The following ATL1 variants were observed in gnomAD, a reference collection of about 807,000 sequenced individuals.
ATL1 encodes the protein atlastin GTPase 1.
A neutral mutation model predicts 75.5 loss-of-function variants in ATL1; 31 were observed. That is an observed-to-expected ratio of 0.41 (90% CI 0.31 to 0.55). The LOEUF (loss-of-function observed/expected upper bound fraction) is 0.55. Among genes scored for constraint, ATL1 ranks in the 20% least tolerant of loss-of-function variants. ATL1 has a pLI of 0.27. For missense variants in ATL1, 405 were observed against 662.6 expected (o/e 0.61, Z 4.27); for synonymous variants, 226 against 233.3 (o/e 0.97, Z 0.28).
At chr14:50,611,791 G>A (rs1263117757) in intron 6 of ATL1, among the ~76,000 whole-genome samples, 1 of 152,174 alleles carries the variant, frequency 6.6e-6, no homozygotes, top group Non-Finnish European at 1.5e-5. Context: ...TGGTGAGGAT[G>A]TGTAGCATCA....
intron 1 of ATL1, among the ~76,000 whole-genome samples, chr14:50,563,294 G>A (rs1010982816): frequency 6.6e-6 from 1 of 152,112 alleles, no homozygotes; most frequent in African/African-American, 2.4e-5. Context: ...TTAGAATCTG[G>A]GTTTTTTTCC....
intron 12 of ATL1, among the ~76,000 whole-genome samples, chr14:50,629,189 C>A (rs2039553164): frequency 1.3e-5 from 2 of 152,140 alleles, no homozygotes; most frequent in African/African-American, 2.4e-5. Flanking sequence ...ATATCATTCT[C>A]TTTTTTAGTT....
At chr14:50,602,324 C>T (rs1404869826) in intron 6 of ATL1, among the ~76,000 whole-genome samples, 2 of 152,062 alleles carry the variant, frequency 1.3e-5, no homozygotes. Flanking sequence ...GTTTCCACTC[C>T]GTCATGTGCT....
chr14:50,553,887 T>G (rs1463928734), intron 1 of ATL1, among the ~76,000 whole-genome samples: 1 of 152,038 alleles, frequency 6.6e-6, no homozygotes, highest in Admixed American at 6.6e-5. Flanking sequence ...CACTTAAAAG[T>G]GAGAGTTAAG....
intron 5 of ATL1, among the ~76,000 whole-genome samples, chr14:50,594,704 A>G (rs905943143): frequency 1.3e-5 from 2 of 152,192 alleles, no homozygotes; most frequent in Non-Finnish European, 2.9e-5. Context: ...TCATTTCAAG[A>G]TTCTCCAGGG....
At chr14:50,550,515 TG>T (rs1566709480) in intron 1 of ATL1, among the ~76,000 whole-genome samples, 1 of 152,172 alleles carries the variant, frequency 6.6e-6, no homozygotes, top group Non-Finnish European at 1.5e-5. Flanking sequence ...TGGGATATTC[TG>T]CCTTTTGCCT....
At chr14:50,608,983 CAAAAT>C (rs1295482305) in intron 6 of ATL1, among the ~76,000 whole-genome samples, 3 of 151,854 alleles carry the variant, frequency 2.0e-5, no homozygotes, top group Admixed American at 6.6e-5. Context: ...ATCTACAAAA[CAAAAT>C]AAGAGGGAGG....
chr14:50,571,718 G>C (rs976497469), intron 1 of ATL1, among the ~76,000 whole-genome samples: 2 of 151,742 alleles, frequency 1.3e-5, no homozygotes, highest in African/African-American at 4.8e-5. Context: ...TACATTACTG[G>C]GTTTGCTAAT....
At chr14:50,553,369 ATAAGGG>A (rs1363932577) in intron 1 of ATL1, among the ~76,000 whole-genome samples, 1 of 152,078 alleles carries the variant, frequency 6.6e-6, no homozygotes, top group Non-Finnish European at 1.5e-5. Flanking sequence ...CAAAATCACT[ATAAGGG>A]AAATGCAAAT....
At chr14:50,607,064 C>A (rs898018645) in intron 6 of ATL1, among the ~76,000 whole-genome samples, 1 of 151,918 alleles carries the variant, frequency 6.6e-6, no homozygotes, top group Non-Finnish European at 1.5e-5. Context: ...GCAACAAGAG[C>A]TCAATGAAGC....
chr14:50,611,180 A>G (rs1363802693), intron 6 of ATL1, among the ~76,000 whole-genome samples: 3 of 152,114 alleles, frequency 2.0e-5, no homozygotes, highest in East Asian at 1.9e-4. Context: ...ATGTCACTTA[A>G]GTGTCCCAAA....
chr14:50,602,288 T>C (rs2039278478), intron 6 of ATL1, among the ~76,000 whole-genome samples: 1 of 152,156 alleles, frequency 6.6e-6, no homozygotes, highest in East Asian at 1.9e-4. Flanking sequence ...TCCTCTCAGT[T>C]CTGCTGGGCT....
intron 12 of ATL1, 98 bp downstream of exon 12, chr14:50,628,560 G>C (rs762869048): frequency 1.3e-5 from 16 of 1,272,770 alleles, no homozygotes; most frequent in Non-Finnish European, 1.8e-5. Flanking sequence ...AGATCAACAG[G>C]AATTGGGCCC....
chr14:50,605,028 G>T (rs1369017544), intron 6 of ATL1, among the ~76,000 whole-genome samples: 1 of 151,956 alleles, frequency 6.6e-6, no homozygotes, highest in East Asian at 1.9e-4. Flanking sequence ...CTGAGTCTTT[G>T]ATGTTGTTGA....
rs150143587 is a variant in ATL1 at position 50,570,555 on chromosome 14, G to C, written c.34+10256G>C. Among the ~76,000 whole-genome samples, 21 of 151,662 alleles carry C rather than the reference G, an allele frequency of 1.4e-4. No individual in the cohort carries two copies. In the East Asian group the frequency reaches 3.7e-3, roughly 27 times the overall value. On this transcript the variant is annotated intron_variant, in intron 1 of 13. Coordinates refer to ENST00000358385, the MANE Select transcript of ATL1 (RefSeq NM_015915.5). Reference sequence around the variant, plus strand: ...CTTGCTCAGTGTGGAATTTCTTTTTGGTTTATTTTTAGGTTTCCTGTCTTT... The same window carrying C: ...CTTGCTCAGTGTGGAATTTCTTTTTCGTTTATTTTTAGGTTTCCTGTCTTT...
At chr14:50,553,226 G>A (rs1012613680) in intron 1 of ATL1, among the ~76,000 whole-genome samples, 2 of 150,562 alleles carry the variant, frequency 1.3e-5, no homozygotes, top group African/African-American at 2.4e-5. Context: ...AGCCGAGATC[G>A]TGCCACTGCA....
intron 6 of ATL1, among the ~76,000 whole-genome samples, chr14:50,597,528 G>A (rs1462632351): frequency 2.0e-5 from 3 of 152,100 alleles, no homozygotes; most frequent in Admixed American, 6.5e-5. Flanking sequence ...GGGACACACA[G>A]GAAGCTTCAA....
intron 8 of ATL1, among the ~76,000 whole-genome samples, chr14:50,617,842 T>G (rs923967857): frequency 1.3e-5 from 2 of 152,262 alleles, no homozygotes; most frequent in Non-Finnish European, 2.9e-5. Flanking sequence ...ATGTCTTTAC[T>G]GTGTTCAACT....
chr14:50,598,629 C>T (rs937122984), intron 6 of ATL1, among the ~76,000 whole-genome samples: 4 of 152,182 alleles, frequency 2.6e-5, no homozygotes, highest in African/African-American at 9.7e-5. Context: ...TCCGAAAGTG[C>T]TGGGATTACA....
Sources: allele counts gnomAD v4.1 joint callset (sites outside exome capture counted in the v4.1 genomes callset), GRCh38; gene constraint gnomAD v4.1.1; transcripts MANE v1.5; gene names NCBI Gene and HGNC (gene_info 2026-07-23, HGNC 2026-07-21).